Variants in ELP4 observed in about 807,000 individuals in gnomAD.
ELP4 encodes the protein elongator acetyltransferase complex subunit 4, also known as elongator complex protein 4.
Under a neutral mutation model 48.9 loss-of-function variants are expected in ELP4, and 51 were observed. That is an observed-to-expected ratio of 1.04 (90% CI 0.83 to 1.32). The LOEUF (loss-of-function observed/expected upper bound fraction) is 1.32. Ranked by LOEUF, ELP4 falls within the 40% of genes most tolerant of loss-of-function variation. The pLI, the probability that ELP4 is intolerant of heterozygous loss-of-function variation, is 0.00. For missense variants in ELP4, 519 were observed against 514.6 expected, an observed-to-expected ratio of 1.01 and a Z score of -0.08; for synonymous variants, 210 against 189.2, an observed-to-expected ratio of 1.11 and a Z score of -0.90.
chr11:31,603,850 A>T lies in ELP4; in HGVS notation c.596A>T (p.Asn199Ile). The change falls in exon 5 of 10, where the codon AAT (asparagine) becomes ATT (isoleucine). Residue 199 changes from asparagine to isoleucine, a missense_variant. Coordinates refer to ENST00000640961, the MANE Select transcript of ELP4 (RefSeq NM_019040.5). ...RMPQELIEASNWHGFFLPEKI... is the reference protein window; with the variant it reads ...RMPQELIEASIWHGFFLPEKI... Reference sequence around the variant, plus strand: ...CCACAAGAACTAATTGAGGCTTCAAATTGGCATGGATTTTTTCTTCCAGAG... The same window carrying T: ...CCACAAGAACTAATTGAGGCTTCAATTTGGCATGGATTTTTTCTTCCAGAG... 6.2e-7 allele frequency: 1 copy of T among 1,611,872 alleles called. No individual in the cohort carries two copies. Among genetic ancestry groups the T allele is most frequent in the East Asian group, 2.2e-5 (1 of 44,688 alleles).
At chr11:31,571,056 C>A (rs1378052591) in intron 3 of ELP4, among the ~76,000 whole-genome samples, 2 of 152,138 alleles carry the variant, frequency 1.3e-5, no homozygotes, top group East Asian at 3.9e-4. Flanking sequence ...TCTCGGCCTC[C>A]CAAAGTGCTG....
At chr11:31,549,782 A>G (rs577281662) in intron 3 of ELP4, among the ~76,000 whole-genome samples, 1 of 152,384 alleles carries the variant, frequency 6.6e-6, no homozygotes, top group African/African-American at 2.4e-5. Flanking sequence ...TGTGGCACAT[A>G]TACACCATGG....
rs750870368 is a variant in ELP4 at position 31,509,805 on chromosome 11, C to A, written c.21C>A (p.Cys7Ter). MAAVATCGSVAASTGSA... is the reference protein window; with the variant it reads MAAVAT Reference sequence around the variant, plus strand: ...CTAAGATGGCGGCAGTGGCAACCTGCGGTAGTGTTGCCGCGAGTACTGGGT... The same window carrying A: ...CTAAGATGGCGGCAGTGGCAACCTGAGGTAGTGTTGCCGCGAGTACTGGGT... The change falls in exon 1 of 10, where the codon TGC becomes TGA. Residue 7 changes from cysteine to a stop codon, truncating the protein, a stop_gained. Transcript: ENST00000640961. LOFTEE classifies it high-confidence loss of function. 15 of 1,614,000 alleles carry A rather than the reference C, an allele frequency of 9.3e-6. No individual in the cohort carries two copies. The highest frequency in any genetic ancestry group is 2.7e-5 in the African/African-American group (2 of 74,920).
intron 9 of ELP4, among the ~76,000 whole-genome samples, chr11:31,745,827 A>G (rs71332060): frequency 6.6e-6 from 1 of 152,258 alleles, no homozygotes; most frequent in Non-Finnish European, 1.5e-5. Flanking sequence ...GGACATAAGC[A>G]TGGGCAAGGA....
At chr11:31,738,781 G>T (rs1466466345) in intron 9 of ELP4, among the ~76,000 whole-genome samples, 3 of 152,042 alleles carry the variant, frequency 2.0e-5, no homozygotes, top group African/African-American at 7.2e-5. Flanking sequence ...CAGCATGGAT[G>T]AATCTTGAGG....
At chr11:31,565,063 A>G (rs373203762) in intron 3 of ELP4, among the ~76,000 whole-genome samples, 36 of 152,214 alleles carry the variant, frequency 2.4e-4, no homozygotes, top group Admixed American at 7.2e-4. Context: ...TTTAATGATC[A>G]CCATTCTAAC....
At chr11:31,561,114 A>G (rs1408835940) in intron 3 of ELP4, among the ~76,000 whole-genome samples, 1 of 152,214 alleles carries the variant, frequency 6.6e-6, no homozygotes, top group Non-Finnish European at 1.5e-5. Flanking sequence ...ACATGTATAC[A>G]TAATACACAC....
intron 9 of ELP4, among the ~76,000 whole-genome samples, chr11:31,718,118 G>C (rs1009521550): frequency 5.9e-5 from 9 of 152,110 alleles, no homozygotes; most frequent in Middle Eastern, 3.2e-3. Flanking sequence ...CTTTTCATAT[G>C]TGCTACTTTA....
At chr11:31,622,980 G>T (rs1170759877) in intron 5 of ELP4, among the ~76,000 whole-genome samples, 2 of 151,354 alleles carry the variant, frequency 1.3e-5, no homozygotes, top group Non-Finnish European at 3.0e-5. Flanking sequence ...TATGTTCTTT[G>T]TATAGCTAAT....
intron 9 of ELP4, among the ~76,000 whole-genome samples, chr11:31,677,488 C>T (rs1021459621): frequency 2.0e-5 from 3 of 152,176 alleles, no homozygotes; most frequent in Non-Finnish European, 4.4e-5. Flanking sequence ...GGAAAGTCTT[C>T]TTAAAACCCA....
At chr11:31,556,813 A>C (rs2133936098) in intron 3 of ELP4, among the ~76,000 whole-genome samples, 1 of 152,034 alleles carries the variant, frequency 6.6e-6, no homozygotes, top group South Asian at 2.1e-4. Flanking sequence ...TGCTTTAAAC[A>C]TGCTGAAAAG....
At position 31,790,119 on chromosome 11, in the gene ELP4, A is replaced by AAAC. The variant is rs1554982404; in HGVS notation, c.*6596_*6597insACA. The AAAC allele has an allele frequency of 8.3e-5, 64 of 771,952 alleles. No individual in the cohort carries two copies. The African/African-American group carries it at 1.0e-3, about 12-fold the overall frequency. The allele number at this position is 771,952 out of a possible 1,614,324, so 47.8% of individuals were successfully genotyped here. A position where few individuals can be genotyped will look rare whatever the true frequency, so the allele number is the denominator to read the frequency against. On this transcript the variant is annotated 3_prime_UTR_variant, in exon 10 of 10. Transcript: ENST00000640961. Reference sequence around the variant, plus strand: ...TTACAAAAAAAAAAAAAAAAAAAAAAACTAATACTTTCTAACATTTTTTAC... The same window carrying AAAC: ...TTACAAAAAAAAAAAAAAAAAAAAAAAACACTAATACTTTCTAACATTTTTTAC...
At chr11:31,765,878 A>G (rs892302560) in intron 9 of ELP4, among the ~76,000 whole-genome samples, 11 of 152,202 alleles carry the variant, frequency 7.2e-5, no homozygotes, top group East Asian at 5.8e-4. Flanking sequence ...GTTTTTGGCT[A>G]CCATCATTAA....
In ELP4 at chr11:31,750,971, C is replaced by T. The variant is rs149209310; in HGVS notation, c.1144-32422C>T. Among the ~76,000 whole-genome samples the T allele has an allele frequency of 2.2e-3, 337 of 152,330 alleles. 3 individuals carry two copies. The highest frequency in any genetic ancestry group is 7.3e-3 in the African/African-American group (304 of 41,574). On this transcript the variant is annotated intron_variant, in intron 9 of 9. Coordinates refer to ENST00000640961, the MANE Select transcript of ELP4 (RefSeq NM_019040.5). ...TTAACCTCCACAGAAGAGAATTCTT[C>T]AGGCTCCAGTATTTAACACCTCATT...
At chr11:31,543,509 C>T (rs201293438) in intron 3 of ELP4, among the ~76,000 whole-genome samples, 34 of 151,946 alleles carry the variant, frequency 2.2e-4, no homozygotes, top group Admixed American at 1.4e-3. Context: ...TTAGTAGAGA[C>T]GGGGTTTCAC....
chr11:31,621,113 T>C (rs1462979743), intron 5 of ELP4, among the ~76,000 whole-genome samples: 1 of 151,996 alleles, frequency 6.6e-6, no homozygotes, highest in African/African-American at 2.4e-5. Flanking sequence ...AACTATTTTA[T>C]ACAATTAGTT....
At chr11:31,776,548 G>A (rs189617804) in intron 9 of ELP4, among the ~76,000 whole-genome samples, 9 of 152,344 alleles carry the variant, frequency 5.9e-5, no homozygotes, top group Admixed American at 1.3e-4. Context: ...CTTTGCCACA[G>A]ACACATGCCT....
chr11:31,779,686 C>G (rs901462557), intron 9 of ELP4: 1 of 152,206 alleles, frequency 6.6e-6, no homozygotes, highest in Non-Finnish European at 1.5e-5. Flanking sequence ...GAGTGTTTTG[C>G]TAGCCTCACT....
At chr11:31,719,345 A>C in intron 9 of ELP4, 6 of 393,702 alleles carry the variant, frequency 1.5e-5, no homozygotes, top group African/African-American at 2.1e-5. Flanking sequence ...GATGCATGGC[A>C]TACAGTGGCA....
Sources: allele counts gnomAD v4.1 joint callset (sites outside exome capture counted in the v4.1 genomes callset), GRCh38; gene constraint gnomAD v4.1.1; transcripts MANE v1.5; gene names NCBI Gene and HGNC (gene_info 2026-07-23, HGNC 2026-07-21).